Variants in ECHDC1 observed in about 807,000 individuals in gnomAD.
The protein encoded by ECHDC1 is ethylmalonyl-CoA decarboxylase.
In ECHDC1, 29 loss-of-function variants were observed where a neutral mutation model predicts 29.7. That is an observed-to-expected ratio of 0.98 (90% CI 0.73 to 1.33). The LOEUF (loss-of-function observed/expected upper bound fraction) is 1.33. Among genes scored for constraint, ECHDC1 ranks in the 40% most tolerant of loss-of-function variants. The pLI is 0.00. For synonymous variants in ECHDC1, 126 were observed against 123.1 expected (o/e 1.02, Z -0.15); for missense variants, 328 against 350.0 (o/e 0.94, Z 0.50).
At chr6:127,291,283 T>TC (rs1264424141) in intron 5 of ECHDC1, among the ~76,000 whole-genome samples, 1 of 151,362 alleles carries the variant, frequency 6.6e-6, no homozygotes, top group East Asian at 1.9e-4. Context: ...TACCTTTTTT[T>TC]TTTTTTTTTT....
At chr6:127,316,702 C>T (rs534622324) in intron 3 of ECHDC1, among the ~76,000 whole-genome samples, 200 bp from the exon 4 acceptor site, 20 of 152,066 alleles carry the variant, frequency 1.3e-4, no homozygotes, top group African/African-American at 4.8e-4. Flanking sequence ...GCTCCTTGAG[C>T]TCAGCTTTGC....
chr6:127,317,139 G>GT (rs1782455148), intron 3 of ECHDC1, among the ~76,000 whole-genome samples: 1 of 151,876 alleles, frequency 6.6e-6, no homozygotes, highest in South Asian at 2.1e-4. Flanking sequence ...ATAACACGTA[G>GT]TATCTTTCTT....
At chr6:127,338,565 C>T (rs1784636288) in intron 1 of ECHDC1, among the ~76,000 whole-genome samples, 1 of 151,892 alleles carries the variant, frequency 6.6e-6, no homozygotes, top group Non-Finnish European at 1.5e-5. Flanking sequence ...AAATTCTAAG[C>T]AGAAGCACAA....
Position 127,314,840 on chromosome 6 carries a change from T to C in ECHDC1, c.473A>G (p.Glu158Gly). 6.2e-7 allele frequency: 1 copy of C among 1,611,114 alleles called. No homozygotes were observed. The highest frequency in any genetic ancestry group is 1.3e-5 in the African/African-American group (1 of 74,964). ...CCTGAAATCACATGCTGTAGTAAAT[T>C]CTGCTCCTCCACCCAATGCCCAACC... is the stretch of plus-strand genomic sequence containing the variant. ...VQGWALGGGAEFTTACDFRLM... is the reference protein window; with the variant it reads ...VQGWALGGGAGFTTACDFRLM... The change falls in exon 5 of 6, where the codon GAA (glutamate) becomes GGA (glycine). Residue 158 changes from glutamate to glycine, a missense_variant. Physicochemically the swap from Glu to Gly is moderately conservative, Grantham distance 98. Coordinates refer to ENST00000454859, the MANE Select transcript of ECHDC1 (RefSeq NM_001002030.2).
rs1779957436 is a variant in ECHDC1 at position 127,289,779 on chromosome 6, T to C, written c.*90A>G. The C allele has an allele frequency of 7.8e-7, 1 of 1,289,648 alleles. No individual in the cohort carries two copies. The highest frequency in any genetic ancestry group is 2.1e-4 in the Middle Eastern group (1 of 4,860). 79.9% of individuals were successfully genotyped at this position (1,289,648 alleles called of 1,614,324 possible). A position where few individuals can be genotyped will look rare whatever the true frequency, so the allele number is the denominator to read the frequency against. On this transcript the variant is annotated 3_prime_UTR_variant, in exon 6 of 6. Coordinates refer to ENST00000454859, the MANE Select transcript of ECHDC1 (RefSeq NM_001002030.2). ...TGCATATTAATAGTAGCCTTCAAAGTAATTCTGATGTTCATATTTAATATC... is the reference window on the plus strand; with the variant it reads ...TGCATATTAATAGTAGCCTTCAAAGCAATTCTGATGTTCATATTTAATATC...
chr6:127,303,645 G>C (rs902550364), intron 5 of ECHDC1, among the ~76,000 whole-genome samples: 3 of 152,234 alleles, frequency 2.0e-5, no homozygotes, highest in African/African-American at 7.2e-5. Flanking sequence ...AACTGAAGCA[G>C]TAAGGGGTAA....
At chr6:127,329,910 G>A (rs1247547021) in intron 2 of ECHDC1, 1 of 454,912 alleles carries the variant, frequency 2.2e-6, no homozygotes, top group East Asian at 7.0e-5. Context: ...AAGTCATCTT[G>A]GGTTTAAAGA....
intron 4 of ECHDC1, chr6:127,315,710 T>G: frequency 6.3e-6 from 2 of 316,692 alleles, no homozygotes; most frequent in East Asian, 8.7e-5. Context: ...GTGAATAGGG[T>G]TTAAACAATG....
intron 5 of ECHDC1, among the ~76,000 whole-genome samples, chr6:127,295,766 A>AT (rs1003392905): frequency 3.9e-5 from 6 of 152,190 alleles, no homozygotes; most frequent in Non-Finnish European, 8.8e-5. Context: ...TACTTACATG[A>AT]TTTTTTCAGG....
Position 127,289,713 on chromosome 6 carries a change from A to G in ECHDC1, c.*156T>C. ...CCAAGTGAGTAATTGGCAAGAAATG[A>G]GGTAAATGAGTTCAGATATTCAAAT... is the stretch of plus-strand genomic sequence containing the variant. On this transcript the variant is annotated 3_prime_UTR_variant, in exon 6 of 6. Coordinates refer to ENST00000454859, the MANE Select transcript of ECHDC1 (RefSeq NM_001002030.2). 1.3e-6 allele frequency: 1 copy of G among 754,558 alleles called. No homozygotes were observed. The highest frequency in any genetic ancestry group is 2.0e-6 in the Non-Finnish European group (1 of 496,522). The allele number at this position is 754,558 out of a possible 1,614,324, so 46.7% of individuals were successfully genotyped here. A position where few individuals can be genotyped will look rare whatever the true frequency, so the allele number is the denominator to read the frequency against.
At chr6:127,334,521 A>G (rs1784262469) in intron 1 of ECHDC1, among the ~76,000 whole-genome samples, 1 of 152,172 alleles carries the variant, frequency 6.6e-6, no homozygotes, top group Non-Finnish European at 1.5e-5. Flanking sequence ...TAATCCAATC[A>G]GGACATTTCA....
At chr6:127,318,022 TTAAATA>T (rs1183114418) in intron 3 of ECHDC1, 2 of 152,226 alleles carry the variant, frequency 1.3e-5, no homozygotes, top group Non-Finnish European at 2.9e-5. Flanking sequence ...CTTTTTCCTC[TTAAATA>T]TAATCTTCCA....
chr6:127,331,047 A>C lies in ECHDC1; in HGVS notation c.-2-17T>G, dbSNP rs771283936. 1.9e-6 allele frequency: 3 copies of C among 1,588,540 alleles called. No individual in the cohort carries two copies. Among genetic ancestry groups the C allele is most frequent in the Non-Finnish European group, 2.6e-6 (3 of 1,161,908 alleles). On this transcript the variant is annotated splice_polypyrimidine_tract_variant and intron_variant, in intron 1 of 5. Coordinates refer to ENST00000454859, the MANE Select transcript of ECHDC1 (RefSeq NM_001002030.2). ...TCGCCATTTCTGGAAAACAGAAATA[A>C]GTATGCGGTAGTATAGATGAATAGG... is the stretch of plus-strand genomic sequence containing the variant.
chr6:127,339,114 C>G (rs773678558), intron 1 of ECHDC1, among the ~76,000 whole-genome samples: 4 of 151,940 alleles, frequency 2.6e-5, no homozygotes, highest in Non-Finnish European at 4.4e-5. Flanking sequence ...CTAGTTTCTT[C>G]AGACCTCTAC....
chr6:127,322,249 T>C (rs1782893791), intron 3 of ECHDC1, among the ~76,000 whole-genome samples: 1 of 151,892 alleles, frequency 6.6e-6, no homozygotes. Flanking sequence ...GAGGTTGCAG[T>C]GAGTCGAGAT....
intron 5 of ECHDC1, among the ~76,000 whole-genome samples, chr6:127,296,715 A>G (rs1306340987): frequency 6.6e-6 from 1 of 152,186 alleles, no homozygotes; most frequent in Non-Finnish European, 1.5e-5. Context: ...AATCAACTTC[A>G]CTTTAATATA....
chr6:127,322,646 G>GTATA (rs60212728), intron 3 of ECHDC1, among the ~76,000 whole-genome samples: 31,742 of 149,176 alleles, frequency 0.21, 4,447 homozygotes, highest in Non-Finnish European at 0.32. Context: ...ATATATGTGT[G>GTATA]TATATATATA....
At chr6:127,298,845 A>G (rs1481742799) in intron 5 of ECHDC1, among the ~76,000 whole-genome samples, 1 of 151,778 alleles carries the variant, frequency 6.6e-6, no homozygotes, top group East Asian at 1.9e-4. Context: ...ATAATAAATG[A>G]CCATGTTAAT....
chr6:127,330,126 C>T (rs1783789453), intron 2 of ECHDC1, among the ~76,000 whole-genome samples: 1 of 152,140 alleles, frequency 6.6e-6, no homozygotes, highest in Admixed American at 6.5e-5. Flanking sequence ...GAGTATTCAA[C>T]AAGGCTACTC....
Sources: allele counts gnomAD v4.1 joint callset (sites outside exome capture counted in the v4.1 genomes callset), GRCh38; gene constraint gnomAD v4.1.1; transcripts MANE v1.5; gene names NCBI Gene and HGNC (gene_info 2026-07-23, HGNC 2026-07-21).